Variants in DDX60 observed in about 807,000 individuals in gnomAD.
DDX60 encodes probable ATP-dependent RNA helicase DDX60.
DDX60 carries 165 observed loss-of-function variants against 212.8 expected under a neutral mutation model. That is an observed-to-expected ratio of 0.78 (90% CI 0.68 to 0.88). The LOEUF is 0.88. Ranked by LOEUF, DDX60 falls within the 40% of genes least tolerant of loss-of-function variation. The pLI, the probability that DDX60 is intolerant of heterozygous loss-of-function variation, is 0.00. For synonymous variants in DDX60, 703 were observed against 685.3 expected, an observed-to-expected ratio of 1.03 and a Z score of -0.40; for missense variants, 1,905 against 2,003.9, an observed-to-expected ratio of 0.95 and a Z score of 0.94.
chr4:168,233,161 G>A (rs745723698), intron 33 of DDX60, among the ~76,000 whole-genome samples: 3 of 151,792 alleles, frequency 2.0e-5, no homozygotes, highest in African/African-American at 7.3e-5. Flanking sequence ...ACAGTGCAAC[G>A]CCACCTTACT....
intron 33 of DDX60, 32 bp downstream of exon 33, chr4:168,236,220 T>C (rs1407115934): frequency 1.3e-6 from 2 of 1,598,884 alleles, no homozygotes; most frequent in South Asian, 2.3e-5. Context: ...TGGTTTTACA[T>C]TACTAAATTT....
intron 13 of DDX60, 135 bp downstream of exon 13, chr4:168,283,311 C>T: frequency 1.4e-6 from 1 of 724,206 alleles, no homozygotes; most frequent in East Asian, 2.8e-5. Context: ...AATAAGTAAT[C>T]ATATACAAAA....
chr4:168,290,328 CTTTT>C (rs547452038), intron 8 of DDX60, among the ~76,000 whole-genome samples: 1 of 124,246 alleles, frequency 8.0e-6, no homozygotes. Context: ...CTTTTCTTTT[CTTTT>C]TTTTTTTTTT....
At chr4:168,228,556 T>C (rs568492154) in intron 33 of DDX60, among the ~76,000 whole-genome samples, 82 of 152,166 alleles carry the variant, frequency 5.4e-4, no homozygotes, top group African/African-American at 1.9e-3. Context: ...GATTATAAGA[T>C]ATAGCTTTAA....
chr4:168,304,118 C>T (rs946292622), intron 5 of DDX60, among the ~76,000 whole-genome samples: 3 of 152,128 alleles, frequency 2.0e-5, no homozygotes, highest in Admixed American at 6.5e-5. Flanking sequence ...TCAGAGTATA[C>T]TCTTTTCACT....
intron 14 of DDX60, among the ~76,000 whole-genome samples, chr4:168,279,757 G>A (rs1735507942): frequency 6.6e-6 from 1 of 152,172 alleles, no homozygotes; most frequent in Non-Finnish European, 1.5e-5. Context: ...AACAAATGAG[G>A]AAATGGAAGA....
chr4:168,226,176 G>T (rs1733247491), intron 33 of DDX60, among the ~76,000 whole-genome samples: 1 of 151,984 alleles, frequency 6.6e-6, no homozygotes, highest in Non-Finnish European at 1.5e-5. Context: ...TTATGTTCTA[G>T]TCAGGTTTTG....
Position 168,318,454 on chromosome 4 carries a change from GGGCCCGTGCGCCAC to G in DDX60, c.-107+154_-107+167del, listed in dbSNP as rs1388059446. ...ACGCCCGGCCTTCCGGGCCAGCAGG[GGGCCCGTGCGCCAC>G]GGCCTTGCGATCCCAGGAGGTTCCC... On this transcript the variant is annotated intron_variant, in intron 1 of 37. Coordinates refer to ENST00000393743, the MANE Select transcript of DDX60 (RefSeq NM_017631.6). 5.3e-5 allele frequency among the ~76,000 whole-genome samples: 8 copies of G among 152,242 alleles called. 1 individual carries two copies. The highest frequency in any genetic ancestry group is 3.9e-4 in the Admixed American group (6 of 15,292).
chr4:168,237,786 C>G lies in DDX60; in HGVS notation c.4174G>C (p.Val1392Leu). Reference sequence around the variant, plus strand: ...AAGGACAGCAATGAATGCTTTAGCACTGATAGCACCTTTAAAGAAAAGAGT... The same window carrying G: ...AAGGACAGCAATGAATGCTTTAGCAGTGATAGCACCTTTAAAGAAAAGAGT... Reference protein sequence around the residue: ...PEDAKAKVLSVLKHSLLSFKQ... With the variant: ...PEDAKAKVLSLLKHSLLSFKQ... The change falls in exon 31 of 38, where the codon GTG becomes CTG. Residue 1392 changes from valine (V) to leucine (L), a missense_variant. Transcript: ENST00000393743. 1.2e-6 allele frequency: 2 copies of G among 1,603,472 alleles called. No individual in the cohort carries two copies. The highest frequency in any genetic ancestry group is 1.7e-6 in the Non-Finnish European group (2 of 1,175,668).
chr4:168,265,350 A>C (rs1174022446), intron 22 of DDX60: 1 of 152,188 alleles, frequency 6.6e-6, no homozygotes, highest in East Asian at 1.9e-4. Context: ...ACACAAGACC[A>C]GGAATTATTT....
chr4:168,283,480 T>G lies in DDX60; in HGVS notation c.1688A>C (p.Lys563Thr), dbSNP rs560183978. Residue 563 changes from lysine to threonine, a missense_variant, in exon 13 of 38, where the codon AAG becomes ACG. Coordinates refer to ENST00000393743, the MANE Select transcript of DDX60 (RefSeq NM_017631.6). ...IIVTQTIKSK[K>T]DFSGPKSKKA... ...TTTGCTCTTGGGCCCACTAAAATCC[T>G]TCTTTGACTTAATAGTTTGAGTCAC... 2 of 1,613,558 alleles carry G rather than the reference T, an allele frequency of 1.2e-6. No individual in the cohort carries two copies. The highest frequency in any genetic ancestry group is 4.5e-5 in the East Asian group (2 of 44,782).
chr4:168,270,361 T>A (rs555864117), intron 19 of DDX60, among the ~76,000 whole-genome samples: 5 of 152,360 alleles, frequency 3.3e-5, no homozygotes, highest in African/African-American at 1.2e-4. Flanking sequence ...AGAATATGCA[T>A]ACCCACTGCC....
At chr4:168,263,067 C>T (rs953672403) in intron 22 of DDX60, among the ~76,000 whole-genome samples, 7 of 152,228 alleles carry the variant, frequency 4.6e-5, no homozygotes, top group South Asian at 2.1e-4. Flanking sequence ...GAAATCAGAG[C>T]GATGGGAAGC....
chr4:168,307,897 C>G (rs1358071816), intron 4 of DDX60, 109 bp downstream of exon 4: 2 of 581,644 alleles, frequency 3.4e-6, no homozygotes, highest in African/African-American at 2.0e-5. Context: ...ATTTTCTGAA[C>G]TTTTATAGAT....
intron 1 of DDX60, among the ~76,000 whole-genome samples, chr4:168,317,969 T>G (rs1737473595): frequency 6.6e-6 from 1 of 152,212 alleles, no homozygotes; most frequent in African/African-American, 2.4e-5. Flanking sequence ...TCTGACACCT[T>G]GATTTCAGCT....
intron 35 of DDX60, among the ~76,000 whole-genome samples, chr4:168,222,665 G>A (rs1004810531): frequency 6.6e-6 from 1 of 152,072 alleles, no homozygotes; most frequent in Admixed American, 6.6e-5. Flanking sequence ...GTTCACTCCT[G>A]CTGAGACTTG....
At chr4:168,268,602 G>C (rs913518077) in intron 20 of DDX60, among the ~76,000 whole-genome samples, 2 of 151,990 alleles carry the variant, frequency 1.3e-5, no homozygotes, top group African/African-American at 4.8e-5. Flanking sequence ...CTTTTCTGAT[G>C]AATCATTTTT....
rs1178724856 is a variant in DDX60, at chr4:168,237,782, A to G, written c.4178T>C (p.Leu1393Pro). 1 of 1,606,044 alleles carries G rather than the reference A, an allele frequency of 6.2e-7. No homozygotes were observed. The highest frequency in any genetic ancestry group is 1.7e-5 in the Admixed American group (1 of 58,744). Residue 1393 changes from leucine (L) to proline (P), a missense_variant, in exon 31 of 38, where the codon CTA becomes CCA. Coordinates refer to ENST00000393743, the MANE Select transcript of DDX60 (RefSeq NM_017631.6). ...EDAKAKVLSV[L>P]KHSLLSFKQP... Reference sequence around the variant, plus strand: ...CTTGAAGGACAGCAATGAATGCTTTAGCACTGATAGCACCTTTAAAGAAAA... The same window carrying G: ...CTTGAAGGACAGCAATGAATGCTTTGGCACTGATAGCACCTTTAAAGAAAA...
chr4:168,306,726 G>T lies in DDX60; in HGVS notation c.265-6C>A. 1 of 1,594,364 alleles carries T rather than the reference G, an allele frequency of 6.3e-7. No homozygotes were observed. Among genetic ancestry groups the T allele is most frequent in the South Asian group, 1.1e-5 (1 of 89,940 alleles). On this transcript the variant is annotated splice_region_variant and splice_polypyrimidine_tract_variant and intron_variant, in intron 4 of 37. Coordinates refer to ENST00000393743, the MANE Select transcript of DDX60 (RefSeq NM_017631.6). Reference sequence around the variant, plus strand: ...AAATACGCATACTCGGCATCCTGTGGAGGAGGAGGTGAAGTACATTTTATT... The same window carrying T: ...AAATACGCATACTCGGCATCCTGTGTAGGAGGAGGTGAAGTACATTTTATT...
Sources: gnomAD v4.1 joint callset for allele counts (sites outside exome capture counted in the v4.1 genomes callset) on GRCh38, gnomAD v4.1.1 for gene constraint, MANE v1.5 for transcripts, NCBI Gene and HGNC (gene_info 2026-07-23, HGNC 2026-07-21) for gene names.